The following CPPED1 variants were observed in gnomAD, a reference collection of about 807,000 sequenced individuals.
CPPED1 encodes the protein serine/threonine-protein phosphatase CPPED1.
Under a neutral mutation model 28.0 loss-of-function variants are expected in CPPED1, and 28 were observed. That is an observed-to-expected ratio of 1.00 (90% CI 0.74 to 1.37). The LOEUF (loss-of-function observed/expected upper bound fraction) is 1.37, where lower values mean the gene tolerates loss of function less well. Ranked by LOEUF, CPPED1 falls within the 40% of genes most tolerant of loss-of-function variation. CPPED1 has a pLI of 0.00. For synonymous variants in CPPED1, 198 were observed against 180.2 expected, an observed-to-expected ratio of 1.10 and a Z score of -0.79; for missense variants, 504 against 416.5, an observed-to-expected ratio of 1.21 and a Z score of -1.83.
At chr16:12,675,339 T>A (rs532152308) in intron 3 of CPPED1, among the ~76,000 whole-genome samples, 1 of 152,232 alleles carries the variant, frequency 6.6e-6, no homozygotes, top group Non-Finnish European at 1.5e-5. Context: ...GGCATCTTTT[T>A]AAATTACTGC....
chr16:12,779,776 G>A (rs2080519006), intron 2 of CPPED1, among the ~76,000 whole-genome samples: 1 of 152,082 alleles, frequency 6.6e-6, no homozygotes, highest in South Asian at 2.1e-4. Context: ...TTACTACAGG[G>A]TACCTCGGCT....
At chr16:12,722,990 C>T (rs1277743207) in intron 2 of CPPED1, among the ~76,000 whole-genome samples, 1 of 152,174 alleles carries the variant, frequency 6.6e-6, no homozygotes, top group Non-Finnish European at 1.5e-5. Flanking sequence ...CTCCTCACCC[C>T]TATTTCAGGA....
In CPPED1 at chr16:12,681,393, C is replaced by T. The variant is rs1455118963; in HGVS notation, c.716-16278G>A. Among the ~76,000 whole-genome samples the T allele has an allele frequency of 3.3e-5, 5 of 152,198 alleles. 1 individual carries two copies. The highest frequency in any genetic ancestry group is 4.8e-5 in the African/African-American group (2 of 41,442). On this transcript the variant is annotated intron_variant, in intron 3 of 3. Transcript: ENST00000381774. ...CCAACAAGAAGGCCCTCACCAGATACAGCCCCTTGACCTTGGACTTCCCAA... is the reference window on the plus strand; with the variant it reads ...CCAACAAGAAGGCCCTCACCAGATATAGCCCCTTGACCTTGGACTTCCCAA...
At chr16:12,678,951 G>C (rs1040085847) in intron 3 of CPPED1, among the ~76,000 whole-genome samples, 7 of 151,976 alleles carry the variant, frequency 4.6e-5, no homozygotes, top group African/African-American at 1.5e-4. Context: ...TTTTCTTGTT[G>C]GTTATAAATT....
intron 3 of CPPED1, among the ~76,000 whole-genome samples, chr16:12,693,814 A>G (rs11866658): frequency 6.6e-6 from 1 of 152,258 alleles, no homozygotes; most frequent in Non-Finnish European, 1.5e-5. Context: ...AGGAGAAGAT[A>G]TAATATTTTG....
At chr16:12,671,851 T>G (rs2079854283) in intron 3 of CPPED1, among the ~76,000 whole-genome samples, 1 of 152,214 alleles carries the variant, frequency 6.6e-6, no homozygotes, top group South Asian at 2.1e-4. Context: ...TCACTGTACC[T>G]TCTCTATGTC....
Position 12,660,497 on chromosome 16 carries a change from A to ATATGTGTGTGTGTGTGTGTG in CPPED1, c.*4388_*4389insCACACACACACACACACATA, listed in dbSNP as rs370298107. ...GAAAAGAATCCTCCACTTTTACTAT[A>ATATGTGTGTGTGTGTGTGTG]TGTGTGTGTGTGTGTGTGTGTGTGT... is the stretch of plus-strand genomic sequence containing the variant. On this transcript the variant is annotated 3_prime_UTR_variant, in exon 4 of 4. Coordinates refer to ENST00000381774, the MANE Select transcript of CPPED1 (RefSeq NM_018340.3). The ATATGTGTGTGTGTGTGTGTG allele has an allele frequency of 6.9e-6, 1 of 145,426 alleles. No homozygotes were observed. Among genetic ancestry groups the ATATGTGTGTGTGTGTGTGTG allele is most frequent in the African/African-American group, 2.5e-5 (1 of 39,800 alleles). The allele number at this position is 145,426 out of a possible 1,614,324, so 9.0% of individuals were successfully genotyped here.
At chr16:12,769,026 T>G (rs1344129405) in intron 2 of CPPED1, among the ~76,000 whole-genome samples, 1 of 151,990 alleles carries the variant, frequency 6.6e-6, no homozygotes, top group Non-Finnish European at 1.5e-5. Context: ...CCCCCACACC[T>G]GGCTAATTTT....
chr16:12,695,452 G>A (rs779117799), intron 3 of CPPED1, among the ~76,000 whole-genome samples: 1 of 151,710 alleles, frequency 6.6e-6, no homozygotes, highest in Non-Finnish European at 1.5e-5. Flanking sequence ...AATCCTTTTC[G>A]CAAAGACAGA....
intron 1 of CPPED1, among the ~76,000 whole-genome samples, chr16:12,800,093 A>G (rs2141248735): frequency 6.6e-6 from 1 of 151,910 alleles, no homozygotes; most frequent in African/African-American, 2.4e-5. Flanking sequence ...CACCATCTCC[A>G]CTGAAAGACA....
chr16:12,703,156 C>T (rs547957043), intron 3 of CPPED1, among the ~76,000 whole-genome samples: 2 of 152,334 alleles, frequency 1.3e-5, no homozygotes, highest in South Asian at 2.1e-4. Context: ...TCCTTGTCAT[C>T]AAGACAGTTT....
intron 2 of CPPED1, among the ~76,000 whole-genome samples, chr16:12,715,646 C>G (rs8044840): frequency 5.9e-5 from 9 of 151,932 alleles, no homozygotes; most frequent in Admixed American, 5.9e-4. Flanking sequence ...AGCAACAGAG[C>G]GAGACTCCAT....
intron 2 of CPPED1, among the ~76,000 whole-genome samples, chr16:12,746,474 T>G (rs1029214790): frequency 1.6e-4 from 18 of 115,554 alleles, no homozygotes; most frequent in Non-Finnish European, 2.4e-4. Context: ...AAGTACATCA[T>G]CAGCAGCCTG....
chr16:12,718,004 C>T (rs1183214547), intron 2 of CPPED1, among the ~76,000 whole-genome samples: 1 of 152,208 alleles, frequency 6.6e-6, no homozygotes, highest in Non-Finnish European at 1.5e-5. Context: ...TGGGTTAACC[C>T]AGTCTGACTC....
At chr16:12,687,663 C>A (rs1046627164) in intron 3 of CPPED1, among the ~76,000 whole-genome samples, 2 of 152,074 alleles carry the variant, frequency 1.3e-5, no homozygotes, top group African/African-American at 4.8e-5. Context: ...CCCAGCTACT[C>A]GGAAGGCTGA....
rs1436243567 is a variant in CPPED1, at chr16:12,682,073, G to T, written c.716-16958C>A. ...TTTTGAGACAGTGTCTCTCTCGGTCGCCTATGTTGGAGTGCAGTGGCGCGA... is the reference window on the plus strand; with the variant it reads ...TTTTGAGACAGTGTCTCTCTCGGTCTCCTATGTTGGAGTGCAGTGGCGCGA... On this transcript the variant is annotated intron_variant, in intron 3 of 3. Coordinates refer to ENST00000381774, the MANE Select transcript of CPPED1 (RefSeq NM_018340.3). The surrounding 1 kb of genome is among the most constrained non-coding windows in gnomAD (Gnocchi z 6.1). Among the ~76,000 whole-genome samples, 1 of 151,994 alleles carries T rather than the reference G, an allele frequency of 6.6e-6. No individual in the cohort carries two copies. The highest frequency in any genetic ancestry group is 1.5e-5 in the Non-Finnish European group (1 of 68,010).
chr16:12,703,614 G>A (rs1362030316), intron 3 of CPPED1, among the ~76,000 whole-genome samples: 6 of 151,288 alleles, frequency 4.0e-5, no homozygotes, highest in East Asian at 1.9e-4. Flanking sequence ...CCTGGGAGGC[G>A]GAGGTTGCAG....
chr16:12,720,186 T>C (rs192958266), intron 2 of CPPED1: 4 of 153,272 alleles, frequency 2.6e-5, no homozygotes, highest in African/African-American at 9.6e-5. Context: ...TGTGTGGCAA[T>C]GGTTTTCTCC....
In CPPED1 at chr16:12,682,583, ACTC is replaced by A. The variant is rs1299957707; in HGVS notation, c.716-17471_716-17469del. 6.6e-6 allele frequency among the ~76,000 whole-genome samples: 1 copy of A among 151,874 alleles called. No individual in the cohort carries two copies. Among genetic ancestry groups the A allele is most frequent in the Non-Finnish European group, 1.5e-5 (1 of 67,980 alleles). On this transcript the variant is annotated intron_variant, in intron 3 of 3. Transcript: ENST00000381774. The surrounding 1 kb of genome is among the most constrained non-coding windows in gnomAD (Gnocchi z 6.1). ...GTGGCATGGGCAGCAACATATCTGA[ACTC>A]CTCATTTGGAAGGCAAGACTAGTAT...
Sources: allele counts gnomAD v4.1 joint callset (sites outside exome capture counted in the v4.1 genomes callset), GRCh38; gene constraint gnomAD v4.1.1; non-coding constraint Gnocchi (gnomAD v3.1); transcripts MANE v1.5; gene names NCBI Gene and HGNC (gene_info 2026-07-23, HGNC 2026-07-21).